SLC22A15: variants seen among roughly 807,000 people sequenced by gnomAD.
The protein encoded by SLC22A15 is solute carrier family 22 member 15, also known as flipt 1.
Under a neutral mutation model 62.7 loss-of-function variants are expected in SLC22A15, and 45 were observed. The observed-to-expected ratio is 0.72, with a 90% CI of 0.56 to 0.92. SLC22A15 has a LOEUF of 0.92. Among genes scored for constraint, SLC22A15 ranks in the 40% least tolerant of loss-of-function variants. The probability of loss-of-function intolerance (pLI) is 0.00; values close to 1 mark genes in which losing one functional copy is unlikely to be tolerated. For synonymous variants in SLC22A15, 264 were observed against 267.0 expected, an observed-to-expected ratio of 0.99 and a Z score of 0.11; for missense variants, 622 against 665.6, an observed-to-expected ratio of 0.93 and a Z score of 0.72.
chr1:116,062,987 T>A (rs572004016), intron 9 of SLC22A15, 105 bp downstream of exon 9: 1 of 1,436,030 alleles, frequency 7.0e-7, no homozygotes, highest in African/African-American at 1.4e-5. Flanking sequence ...TGGAGTTAGT[T>A]TGGGGCAGCA....
rs370821644 is a variant in SLC22A15 at position 116,067,067 on chromosome 1, G to T, written c.1603G>T (p.Glu535Ter). 3 of 1,612,600 alleles carry T rather than the reference G, an allele frequency of 1.9e-6. No homozygotes were observed. In the African/African-American group the frequency reaches 4.0e-5, roughly 22 times the overall value. ...SLGSESEEEEEFYDADEETQM... is the reference protein window; with the variant it reads ...SLGSESEEEE ...AGGGAGTGAGAGTGAGGAAGAGGAA[G>T]AATTTTATGATGCAGATGAAGAGAC... is the stretch of plus-strand genomic sequence containing the variant. The change falls in exon 12 of 12, where the codon GAA becomes TAA. Residue 535 changes from glutamate (E) to a stop codon, truncating the protein, a stop_gained. Coordinates refer to ENST00000369503, the MANE Select transcript of SLC22A15 (RefSeq NM_018420.3). LOFTEE classifies it high-confidence loss of function.
intron 8 of SLC22A15, among the ~76,000 whole-genome samples, chr1:116,039,306 G>A (rs907967081): frequency 6.6e-6 from 1 of 152,168 alleles, no homozygotes; most frequent in African/African-American, 2.4e-5. Context: ...GCTGAGGTGG[G>A]TGGATCACCT....
intron 9 of SLC22A15, among the ~76,000 whole-genome samples, chr1:116,063,747 G>T (rs1232984566): frequency 1.3e-5 from 2 of 152,164 alleles, no homozygotes; most frequent in Admixed American, 1.3e-4. Context: ...GGACAATTTT[G>T]AGAGCAAATG....
chr1:116,063,698 A>G (rs921771367), intron 9 of SLC22A15, among the ~76,000 whole-genome samples: 3 of 152,336 alleles, frequency 2.0e-5, no homozygotes, highest in South Asian at 2.1e-4. Context: ...TTACCTGGCT[A>G]CTGGCTATAA....
rs183170598 is a variant in SLC22A15, at chr1:116,024,160, G to A, written c.599-2733G>A. On this transcript the variant is annotated intron_variant, in intron 4 of 11. Transcript: ENST00000369503. ...AGTAGGCTGCTATAGTTGGCCACATGAAACCAGTGGTGGGTTAGACAGGAT... is the reference window on the plus strand; with the variant it reads ...AGTAGGCTGCTATAGTTGGCCACATAAAACCAGTGGTGGGTTAGACAGGAT... Among the ~76,000 whole-genome samples, 482 of 152,336 alleles carry A rather than the reference G, an allele frequency of 3.2e-3. 2 individuals are homozygous for A. Among genetic ancestry groups the A allele is most frequent in the Admixed American group, 4.0e-3 (61 of 15,308 alleles).
chr1:116,029,354 T>C (rs1657279977), intron 5 of SLC22A15, among the ~76,000 whole-genome samples: 1 of 152,130 alleles, frequency 6.6e-6, no homozygotes, highest in Non-Finnish European at 1.5e-5. Context: ...CATGGAGCGG[T>C]TTTGAGTTGG....
At chr1:116,033,599 G>T (rs1180554678) in intron 6 of SLC22A15, among the ~76,000 whole-genome samples, 1 of 151,472 alleles carries the variant, frequency 6.6e-6, no homozygotes, top group South Asian at 2.1e-4. Flanking sequence ...ATGTGTGTGT[G>T]TGTGGCTGGA....
chr1:115,982,106 A>G (rs1414265322), intron 1 of SLC22A15, among the ~76,000 whole-genome samples: 1 of 152,242 alleles, frequency 6.6e-6, no homozygotes, highest in Non-Finnish European at 1.5e-5. Context: ...AGGTTTCAGA[A>G]TACCAGCTTG....
chr1:116,052,681 C>T (rs147763512), intron 8 of SLC22A15, among the ~76,000 whole-genome samples: 91 of 152,326 alleles, frequency 6.0e-4, no homozygotes, highest in African/African-American at 2.0e-3. Context: ...TGACACCTCA[C>T]ACGGCGGGCT....
At chr1:116,019,151 G>T (rs559355211) in intron 2 of SLC22A15, among the ~76,000 whole-genome samples, 50 of 152,274 alleles carry the variant, frequency 3.3e-4, no homozygotes, top group Non-Finnish European at 6.0e-4. Flanking sequence ...AAATACTCAA[G>T]AGATTTTAAA....
At chr1:115,980,520 A>T (rs573803451) in intron 1 of SLC22A15, among the ~76,000 whole-genome samples, 1 of 152,250 alleles carries the variant, frequency 6.6e-6, no homozygotes, top group Non-Finnish European at 1.5e-5. Context: ...ATATATGACT[A>T]TATGGAGGAA....
Position 115,986,190 on chromosome 1 carries a change from G to GT in SLC22A15, c.88-5832dup, listed in dbSNP as rs912886786. Among the ~76,000 whole-genome samples the GT allele has an allele frequency of 9.3e-5, 14 of 150,376 alleles. No individual in the cohort carries two copies. In the South Asian group the frequency reaches 1.3e-3, roughly 14 times the overall value. ...CAAAAATTAGCTAACAGAGTTACTA[G>GT]TTTTTTTTTCATCTTTTTTTTTGGT... On this transcript the variant is annotated intron_variant, in intron 1 of 11. Transcript: ENST00000369503.
chr1:116,061,368 A>G (rs1355578062), intron 8 of SLC22A15, among the ~76,000 whole-genome samples: 1 of 152,120 alleles, frequency 6.6e-6, no homozygotes, highest in Admixed American at 6.6e-5. Flanking sequence ...ATACATTCCA[A>G]AGGAAGGAAC....
chr1:116,063,303 G>C (rs1276491119), intron 9 of SLC22A15, among the ~76,000 whole-genome samples: 1 of 152,186 alleles, frequency 6.6e-6, no homozygotes. Flanking sequence ...ATTTCATATA[G>C]TAATAAGTGA....
In SLC22A15 at chr1:115,992,060, T is replaced by A. The variant is rs965340431; in HGVS notation, c.117T>A (p.Ile39=). The A allele has an allele frequency of 5.6e-6, 9 of 1,613,746 alleles. No homozygotes were observed. The African/African-American group carries it at 1.1e-4, about 19-fold the overall frequency. The change falls in exon 2 of 12, where the codon ATT becomes ATA. Residue 39 remains isoleucine, a synonymous_variant. Transcript: ENST00000369503. ...QLYVATEAIL[I]ALVGATPSYH... ...ACGTGGCCACGGAGGCCATCCTCAT[T>A]GCACTGGTTGGGGCCACGCCATCCT...
chr1:116,019,785 G>A (rs1656726291), intron 3 of SLC22A15, 71 bp downstream of exon 3: 1 of 1,482,720 alleles, frequency 6.7e-7, no homozygotes, highest in Non-Finnish European at 9.1e-7. Context: ...GAAATAATAA[G>A]GGGACTATTT....
chr1:116,000,471 AATT>A (rs1195608822), intron 2 of SLC22A15, among the ~76,000 whole-genome samples: 8 of 151,966 alleles, frequency 5.3e-5, no homozygotes, highest in Non-Finnish European at 1.2e-4. Context: ...AAGTTGTTCT[AATT>A]ATTATTTTTG....
chr1:116,068,812 A>G lies in SLC22A15; in HGVS notation c.*1704A>G, dbSNP rs1047460190. 2 of 152,190 alleles carry G rather than the reference A, an allele frequency of 1.3e-5. No individual in the cohort carries two copies. Among genetic ancestry groups the G allele is most frequent in the African/African-American group, 4.8e-5 (2 of 41,468 alleles). The allele number at this position is 152,190 out of a possible 1,614,324, so 9.4% of individuals were successfully genotyped here. On this transcript the variant is annotated 3_prime_UTR_variant, in exon 12 of 12. Coordinates refer to ENST00000369503, the MANE Select transcript of SLC22A15 (RefSeq NM_018420.3). Reference sequence around the variant, plus strand: ...CCCTTCTCAACATCAGAATAGGAAGAGAGGAAGAACTTACAAAGACACTTA... The same window carrying G: ...CCCTTCTCAACATCAGAATAGGAAGGGAGGAAGAACTTACAAAGACACTTA...
intron 2 of SLC22A15, among the ~76,000 whole-genome samples, chr1:116,007,968 C>A (rs148726896): frequency 6.6e-6 from 1 of 152,084 alleles, no homozygotes; most frequent in Non-Finnish European, 1.5e-5. Flanking sequence ...CCTCTGCCAC[C>A]GCCAGCCATT....
Sources: allele counts gnomAD v4.1 joint callset (sites outside exome capture counted in the v4.1 genomes callset), GRCh38; gene constraint gnomAD v4.1.1; transcripts MANE v1.5; gene names NCBI Gene and HGNC (gene_info 2026-07-23, HGNC 2026-07-21).